The following RPS6KA6 variants were observed in gnomAD, a reference collection of about 807,000 sequenced individuals.
RPS6KA6 encodes ribosomal protein S6 kinase alpha-6.
Under a neutral mutation model 65.4 loss-of-function variants are expected in RPS6KA6, and 27 were observed. The ratio of observed to expected loss-of-function variants is 0.41; its 90% CI spans 0.30 to 0.57. RPS6KA6 has a LOEUF of 0.57. Among genes scored for constraint, RPS6KA6 ranks in the 20% least tolerant of loss-of-function variants. The pLI, the probability that RPS6KA6 is intolerant of heterozygous loss-of-function variation, is 0.24. For missense variants in RPS6KA6, 486 were observed against 555.6 expected (o/e 0.87, Z 1.26); for synonymous variants, 190 against 184.2 (o/e 1.03, Z -0.26).
At chrX:84,147,320 T>C (rs751177139) in intron 4 of RPS6KA6, among the ~76,000 whole-genome samples, 1 of 111,817 alleles carries the variant, frequency 8.9e-6, no homozygotes, top group African/African-American at 3.2e-5. Context: ...GTTGTTGTTG[T>C]TGTTGAGACA....
intron 20 of RPS6KA6, among the ~76,000 whole-genome samples, chrX:84,092,118 G>A (rs1367854804): frequency 9.0e-6 from 1 of 110,890 alleles, no homozygotes; most frequent in African/African-American, 3.3e-5. Context: ...TGGGTTGATA[G>A]GTGCAGCAAA....
intron 17 of RPS6KA6, among the ~76,000 whole-genome samples, chrX:84,103,416 T>A (rs770341760): frequency 1.8e-5 from 2 of 111,203 alleles, no homozygotes; most frequent in Non-Finnish European, 3.8e-5. Context: ...CCCCATGTGA[T>A]AAGTTCCCTA....
At chrX:84,105,129 T>G (rs1280155078) in intron 16 of RPS6KA6, among the ~76,000 whole-genome samples, 1 of 110,191 alleles carries the variant, frequency 9.1e-6, no homozygotes, top group Non-Finnish European at 1.9e-5. Context: ...GGAAAACAAA[T>G]AAGAAAAGTA....
chrX:84,092,105 T>C (rs894880630), intron 20 of RPS6KA6, among the ~76,000 whole-genome samples: 2 of 110,668 alleles, frequency 1.8e-5, no homozygotes, highest in Admixed American at 1.9e-4. Flanking sequence ...ATTACCTAGG[T>C]GATGGGTTGA....
At chrX:84,170,730 T>C (rs1030490923) in intron 1 of RPS6KA6, among the ~76,000 whole-genome samples, 1 of 111,431 alleles carries the variant, frequency 9.0e-6, no homozygotes, top group Non-Finnish European at 1.9e-5. Context: ...AATTAAGCAA[T>C]GTGTTGGACA....
At chrX:84,177,407 G>C (rs1337286697) in intron 1 of RPS6KA6, among the ~76,000 whole-genome samples, 1 of 111,319 alleles carries the variant, frequency 9.0e-6, no homozygotes, top group African/African-American at 3.3e-5. Flanking sequence ...TTTACAGATA[G>C]AGCGACCAAG....
At chrX:84,142,733 T>C (rs1275645629) in intron 6 of RPS6KA6, among the ~76,000 whole-genome samples, 2 of 111,465 alleles carry the variant, frequency 1.8e-5, no homozygotes, top group East Asian at 5.6e-4. Flanking sequence ...TGCCAATAAA[T>C]TTCATAACTT....
chrX:84,088,180 T>C (rs1273994939), intron 20 of RPS6KA6, among the ~76,000 whole-genome samples: 2 of 111,234 alleles, frequency 1.8e-5, no homozygotes, highest in Non-Finnish European at 3.8e-5. Flanking sequence ...TCTCAGTCAT[T>C]TGAAGGGGAA....
At chrX:84,067,471 T>A (rs1036404740) in intron 20 of RPS6KA6, among the ~76,000 whole-genome samples, 1 of 111,641 alleles carries the variant, frequency 9.0e-6, no homozygotes, top group African/African-American at 3.3e-5. Flanking sequence ...GAGAACTTCG[T>A]GAAGCATACC....
chrX:84,185,491 T>C (rs759781994), intron 1 of RPS6KA6, among the ~76,000 whole-genome samples: 1 of 111,977 alleles, frequency 8.9e-6, no homozygotes, highest in South Asian at 3.7e-4. Context: ...TGGGAAAACA[T>C]GTTAAGAGTC....
intron 20 of RPS6KA6, among the ~76,000 whole-genome samples, chrX:84,093,838 C>T (rs1215333902): frequency 9.0e-6 from 1 of 111,098 alleles, no homozygotes; most frequent in Non-Finnish European, 1.9e-5. Context: ...ATCCTTTGAC[C>T]TCCTCAATTT....
intron 20 of RPS6KA6, among the ~76,000 whole-genome samples, chrX:84,093,267 C>A (rs1364376370): frequency 8.9e-6 from 1 of 111,951 alleles, no homozygotes; most frequent in African/African-American, 3.3e-5. Context: ...AATAAATAAT[C>A]TATGTCTGAT....
At chrX:84,075,188 C>T (rs963729712) in intron 20 of RPS6KA6, among the ~76,000 whole-genome samples, 36 of 111,147 alleles carry the variant, frequency 3.2e-4, no homozygotes, top group Admixed American at 2.6e-3. Flanking sequence ...GCCAAGATTG[C>T]GCCACTGCAC....
chrX:84,088,487 T>C (rs762087071), intron 20 of RPS6KA6, among the ~76,000 whole-genome samples: 4 of 112,078 alleles, frequency 3.6e-5, no homozygotes, highest in African/African-American at 1.3e-4. Context: ...GATGACAATC[T>C]GCTCCTTACT....
chrX:84,116,212 C>CT lies in RPS6KA6; in HGVS notation c.1008+16dup. 1 of 1,056,018 alleles carries CT rather than the reference C, an allele frequency of 9.5e-7. No individual in the cohort carries two copies. Among genetic ancestry groups the CT allele is most frequent in the Non-Finnish European group, 1.3e-6 (1 of 765,664 alleles). The allele number at this position is 1,056,018 out of a possible 1,213,427, so 87.0% of individuals were successfully genotyped here. On this transcript the variant is annotated intron_variant, in intron 12 of 21. Transcript: ENST00000262752. ...TCATATGAAGTTATTCAATAACAAG[C>CT]TTTCTACTTAACTTACATCCCAGTC...
intron 1 of RPS6KA6, among the ~76,000 whole-genome samples, chrX:84,177,248 AT>A (rs1170310978): frequency 2.7e-5 from 3 of 111,884 alleles, no homozygotes; most frequent in Non-Finnish European, 3.8e-5. Flanking sequence ...ACAATAGTTG[AT>A]TTTTTTAACT....
At chrX:84,166,407 G>GA (rs1053654354) in intron 1 of RPS6KA6, among the ~76,000 whole-genome samples, 10 of 110,073 alleles carry the variant, frequency 9.1e-5, no homozygotes, top group Admixed American at 5.8e-4. Flanking sequence ...TAGAAACTAT[G>GA]AAAAAAAACA....
intron 20 of RPS6KA6, among the ~76,000 whole-genome samples, chrX:84,080,347 C>T (rs2033765358): frequency 1.3e-5 from 1 of 75,849 alleles, no homozygotes; most frequent in Admixed American, 1.7e-4. Context: ...AAAAGGATGT[C>T]CAGACAAAAA....
intron 8 of RPS6KA6, among the ~76,000 whole-genome samples, chrX:84,121,726 T>C: frequency 1.8e-5 from 2 of 112,146 alleles, no homozygotes; most frequent in Middle Eastern, 9.2e-3. Flanking sequence ...ATAGAAAAAT[T>C]CATCCTCATA....
Sources: gnomAD v4.1 joint callset for allele counts (sites outside exome capture counted in the v4.1 genomes callset) on GRCh38, gnomAD v4.1.1 for gene constraint, MANE v1.5 for transcripts, NCBI Gene and HGNC (gene_info 2026-07-23, HGNC 2026-07-21) for gene names.